The following MAGI2 variants were observed in gnomAD, a reference collection of about 807,000 sequenced individuals.
MAGI2 encodes membrane-associated guanylate kinase, WW and PDZ domain-containing protein 2.
A neutral mutation model predicts 133.3 loss-of-function variants in MAGI2; 35 were observed. The observed-to-expected ratio is 0.26, with a 90% confidence interval of 0.20 to 0.35. MAGI2 has a LOEUF of 0.35. Ranked by LOEUF, MAGI2 falls within the 10% of genes least tolerant of loss-of-function variation. The probability of loss-of-function intolerance (pLI) is 1.00; values close to 1 mark genes in which losing one functional copy is unlikely to be tolerated. For missense variants in MAGI2, 1,636 were observed against 1,863.4 expected (o/e 0.88, Z 2.25); for synonymous variants, 729 against 710.6 (o/e 1.03, Z -0.41).
intron 2 of MAGI2, among the ~76,000 whole-genome samples, chr7:78,766,784 A>G (rs537918114): frequency 6.6e-6 from 1 of 152,264 alleles, no homozygotes; most frequent in African/African-American, 2.4e-5. Flanking sequence ...TGTAGGAGAA[A>G]ACAGAATAAT....
intron 9 of MAGI2, among the ~76,000 whole-genome samples, chr7:78,289,172 G>A (rs1373846221): frequency 3.9e-5 from 6 of 152,098 alleles, no homozygotes; most frequent in Non-Finnish European, 8.8e-5. Flanking sequence ...GCTAAAGGAG[G>A]ATGTTCGAAC....
At chr7:78,094,015 A>G (rs957995693) in intron 20 of MAGI2, among the ~76,000 whole-genome samples, 5 of 152,192 alleles carry the variant, frequency 3.3e-5, no homozygotes, top group African/African-American at 4.8e-5. Flanking sequence ...TGAAAAATAT[A>G]ATTCTAATTC....
chr7:78,685,331 C>T (rs996256062), intron 2 of MAGI2, among the ~76,000 whole-genome samples: 3 of 152,108 alleles, frequency 2.0e-5, no homozygotes, highest in Admixed American at 6.5e-5. Flanking sequence ...GGATCATTCT[C>T]AAGTGTCCCT....
At chr7:78,224,384 G>T (rs1477993277) in intron 10 of MAGI2, among the ~76,000 whole-genome samples, 1 of 151,814 alleles carries the variant, frequency 6.6e-6, no homozygotes, top group Non-Finnish European at 1.5e-5. Context: ...CTCTTTTTTT[G>T]ACCAGGCGCG....
At chr7:79,371,245 C>G (rs1292097904) in intron 1 of MAGI2, among the ~76,000 whole-genome samples, 4 of 152,042 alleles carry the variant, frequency 2.6e-5, no homozygotes, top group Non-Finnish European at 5.9e-5. Flanking sequence ...CTTAACATCT[C>G]AGAATCTGCA....
intron 21 of MAGI2, among the ~76,000 whole-genome samples, chr7:78,055,092 A>G (rs1197448964): frequency 6.6e-6 from 1 of 152,250 alleles, no homozygotes; most frequent in East Asian, 1.9e-4. Flanking sequence ...GTGAGGTGAT[A>G]CCTCATTGTG....
At chr7:79,263,921 G>A (rs1834258294) in intron 1 of MAGI2, among the ~76,000 whole-genome samples, 1 of 152,116 alleles carries the variant, frequency 6.6e-6, no homozygotes, top group African/African-American at 2.4e-5. Context: ...AAAACCACAT[G>A]TGAGAGTATT....
At position 78,019,369 on chromosome 7, in the gene MAGI2, A is replaced by C. The variant is rs1055150531; in HGVS notation, c.4314T>G (p.Gly1438=). Residue 1438 remains glycine (G), a synonymous_variant, in exon 22 of 22, where the codon GGT becomes GGG. Transcript: ENST00000354212. Reference sequence around the variant, plus strand: ...TGAGGACGCTGGGCAGCTTGTCAGAACCCGGCACCTTCCAGGGCCCCGGCG... The same window carrying C: ...TGAGGACGCTGGGCAGCTTGTCAGACCCCGGCACCTTCCAGGGCCCCGGCG... ...AVAPGPWKVP[G]SDKLPSVLKP... 3 of 1,440,890 alleles carry C rather than the reference A, an allele frequency of 2.1e-6. No homozygotes were observed. The highest frequency in any genetic ancestry group is 9.1e-7 in the Non-Finnish European group (1 of 1,101,810). The allele number at this position is 1,440,890 out of a possible 1,614,324, so 89.3% of individuals were successfully genotyped here.
chr7:78,527,578 G>C (rs1251906045), intron 3 of MAGI2, among the ~76,000 whole-genome samples: 2 of 152,148 alleles, frequency 1.3e-5, no homozygotes, highest in African/African-American at 4.8e-5. Context: ...GATGCACCAT[G>C]TTCTTTATGC....
intron 9 of MAGI2, among the ~76,000 whole-genome samples, chr7:78,340,670 G>A (rs1179406915): frequency 6.6e-6 from 1 of 152,036 alleles, no homozygotes; most frequent in Non-Finnish European, 1.5e-5. Context: ...ATCAATAAAC[G>A]TAATCCATCA....
chr7:78,563,523 G>A lies in MAGI2; in HGVS notation c.539-41878C>T, dbSNP rs151222697. On this transcript the variant is annotated intron_variant, in intron 3 of 21. Transcript: ENST00000354212. ...AACGACAGACGAGAGCCACTCAAGA[G>A]ATTCAGGAAATGAGCCAGAGCTGAG... Among the ~76,000 whole-genome samples the A allele has an allele frequency of 1.8e-4, 27 of 152,314 alleles. 1 individual carries two copies. In the South Asian group the frequency reaches 4.1e-3, roughly 23 times the overall value.
chr7:78,173,650 C>T (rs780566034), intron 14 of MAGI2, among the ~76,000 whole-genome samples: 1 of 151,994 alleles, frequency 6.6e-6, no homozygotes, highest in African/African-American at 2.4e-5. Flanking sequence ...TAATCTTTTC[C>T]GTGCTTAGGT....
intron 3 of MAGI2, among the ~76,000 whole-genome samples, chr7:78,612,365 A>T (rs1218813131): frequency 2.0e-5 from 3 of 152,126 alleles, no homozygotes; most frequent in African/African-American, 7.2e-5. Context: ...GGCACCCAAG[A>T]AATACAACAT....
At chr7:78,581,663 T>C (rs1244543952) in intron 3 of MAGI2, among the ~76,000 whole-genome samples, 1 of 152,208 alleles carries the variant, frequency 6.6e-6, no homozygotes, top group Non-Finnish European at 1.5e-5. Flanking sequence ...GGATTATCAT[T>C]GAAGCCCCTG....
At chr7:78,498,535 G>GA (rs1479931648) in intron 5 of MAGI2, among the ~76,000 whole-genome samples, 3 of 152,252 alleles carry the variant, frequency 2.0e-5, no homozygotes, top group Admixed American at 6.5e-5. Context: ...ACAGACAGGA[G>GA]AAAATCAGTG....
At chr7:79,036,730 G>C (rs912134161) in intron 1 of MAGI2, among the ~76,000 whole-genome samples, 13 of 152,056 alleles carry the variant, frequency 8.5e-5, no homozygotes. Flanking sequence ...GAAATGAAGG[G>C]CATGTGAGGG....
chr7:79,118,963 A>G (rs902853012), intron 1 of MAGI2, among the ~76,000 whole-genome samples: 3 of 152,178 alleles, frequency 2.0e-5, no homozygotes, highest in Non-Finnish European at 4.4e-5. Flanking sequence ...GATTCAATTA[A>G]GTAGAAGTCT....
intron 20 of MAGI2, among the ~76,000 whole-genome samples, chr7:78,093,936 C>A (rs1346722762): frequency 2.0e-5 from 3 of 152,162 alleles, no homozygotes; most frequent in Non-Finnish European, 4.4e-5. Context: ...TCAAATCAAG[C>A]TACTAAGCAA....
Position 79,073,725 on chromosome 7 carries a change from A to C in MAGI2, c.302-66519T>G, listed in dbSNP as rs187399418. Among the ~76,000 whole-genome samples the C allele has an allele frequency of 5.4e-4, 82 of 151,812 alleles. 1 individual carries two copies. The highest frequency in any genetic ancestry group is 1.9e-3 in the African/African-American group (77 of 41,424). ...CTCCTTTGTGTCTAGGCGGATAAAG[A>C]CCTGCATGATCTGGGCACCCCCCTG... On this transcript the variant is annotated intron_variant, in intron 1 of 21. Transcript: ENST00000354212.
Sources: allele counts gnomAD v4.1 joint callset (sites outside exome capture counted in the v4.1 genomes callset), GRCh38; gene constraint gnomAD v4.1.1; transcripts MANE v1.5; gene names NCBI Gene and HGNC (gene_info 2026-07-23, HGNC 2026-07-21).